Variants in ME3 observed in about 807,000 individuals in gnomAD.
The protein encoded by ME3 is NADP-dependent malic enzyme, mitochondrial.
A neutral mutation model predicts 68.9 loss-of-function variants in ME3; 48 were observed. The observed-to-expected ratio is 0.70, with a 90% CI of 0.55 to 0.89. The LOEUF (loss-of-function observed/expected upper bound fraction) is 0.89, where lower values mean the gene tolerates loss of function less well. Among genes scored for constraint, ME3 ranks in the 40% least tolerant of loss-of-function variants. The pLI is 0.00. For missense variants in ME3, 675 were observed against 797.4 expected (o/e 0.85, Z 1.85); for synonymous variants, 320 against 318.8 (o/e 1.00, Z -0.04).
chr11:86,604,195 G>A (rs1481856109), intron 2 of ME3, among the ~76,000 whole-genome samples: 1 of 152,112 alleles, frequency 6.6e-6, no homozygotes, highest in African/African-American at 2.4e-5. Context: ...TGCAGATGAA[G>A]CCTCCAGACT....
At chr11:86,668,853 C>G (rs1946737972) in intron 2 of ME3, among the ~76,000 whole-genome samples, 1 of 152,200 alleles carries the variant, frequency 6.6e-6, no homozygotes, top group Non-Finnish European at 1.5e-5. Flanking sequence ...CTTTCAGGCA[C>G]TACCCCATGC....
rs543187838 is a variant in ME3 at position 86,558,336 on chromosome 11, A to G, written c.317+1354T>C. On this transcript the variant is annotated intron_variant, in intron 3 of 14. Coordinates refer to ENST00000543262, the Ensembl canonical transcript of ME3. ...TTGTGTAATTTCTGGCTTGCTCTTC[A>G]GAGTGACTTAGCTAGACCCAATCAG... Among the ~76,000 whole-genome samples the G allele has an allele frequency of 2.4e-3, 368 of 152,316 alleles. 1 individual carries two copies. Among genetic ancestry groups the G allele is most frequent in the African/African-American group, 8.5e-3 (353 of 41,572 alleles).
rs898515452 is a variant in ME3, at chr11:86,641,826, G to A, written c.183+29936C>T. The stretch of plus-strand genomic sequence containing the variant: ...TACCAAAAAATGTCAAAAAATGAGA[G>A]CTGGCTTACAATGGTATTTTTGTTC... On this transcript the variant is annotated intron_variant, in intron 2 of 14. Coordinates refer to ENST00000543262, the Ensembl canonical transcript of ME3. 3.9e-5 allele frequency among the ~76,000 whole-genome samples: 6 copies of A among 152,190 alleles called. No homozygotes were observed. In the East Asian group the frequency reaches 9.7e-4, roughly 24 times the overall value.
chr11:86,578,706 G>A (rs1272120050), intron 2 of ME3, among the ~76,000 whole-genome samples: 2 of 152,130 alleles, frequency 1.3e-5, no homozygotes, highest in Admixed American at 6.5e-5. Context: ...AGATCACAGC[G>A]ATCAGTCACC....
At chr11:86,610,405 A>C (rs1295293234) in intron 2 of ME3, among the ~76,000 whole-genome samples, 1 of 152,190 alleles carries the variant, frequency 6.6e-6, no homozygotes. Context: ...CTGATATTTC[A>C]TGGAGAAAGG....
Position 86,643,825 on chromosome 11 carries a change from G to A in ME3, c.183+27937C>T, listed in dbSNP as rs80121863. 4.1e-3 allele frequency among the ~76,000 whole-genome samples: 630 copies of A among 152,148 alleles called. 1 individual carries two copies. The highest frequency in any genetic ancestry group is 0.014 in the African/African-American group (599 of 41,490). ...AAGTTTATTGAATAAGTCAGTGAACGGTCTCAGGGAATCTGGAAATGAGAC... is the reference window on the plus strand; with the variant it reads ...AAGTTTATTGAATAAGTCAGTGAACAGTCTCAGGGAATCTGGAAATGAGAC... On this transcript the variant is annotated intron_variant, in intron 2 of 14. Transcript: ENST00000543262.
chr11:86,437,883 A>G (rs962818546), downstream of ME3, among the ~76,000 whole-genome samples: 1 of 84,826 alleles, frequency 1.2e-5, no homozygotes, highest in Non-Finnish European at 2.5e-5. Context: ...ATGAATGTGT[A>G]TGTGTTCTTT....
At chr11:86,441,207 T>A in exon 15 of ME3, 1 of 1,338,752 alleles carries the variant, frequency 7.5e-7, no homozygotes, top group East Asian at 2.6e-5. Context: ...ACTTGGGCCA[T>A]TTTGGAACCC....
intron 4 of ME3, among the ~76,000 whole-genome samples, chr11:86,525,564 C>G: frequency 6.6e-6 from 1 of 151,736 alleles, no homozygotes; most frequent in African/African-American, 2.4e-5. Flanking sequence ...TTCAGTTCAC[C>G]TTTAAGAACA....
chr11:86,562,237 T>C (rs761625965), intron 2 of ME3, among the ~76,000 whole-genome samples: 1 of 152,194 alleles, frequency 6.6e-6, no homozygotes, highest in Non-Finnish European at 1.5e-5. Context: ...TCATGTATAT[T>C]TATCATTGAA....
At chr11:86,663,997 C>T (rs1253666717) in intron 2 of ME3, among the ~76,000 whole-genome samples, 2 of 152,178 alleles carry the variant, frequency 1.3e-5, no homozygotes, top group Non-Finnish European at 2.9e-5. Flanking sequence ...GCAGCAGGCT[C>T]CTCTGTTAAC....
chr11:86,607,727 A>G (rs1484673099), intron 2 of ME3, among the ~76,000 whole-genome samples: 1 of 143,718 alleles, frequency 7.0e-6, no homozygotes, highest in African/African-American at 2.6e-5. Context: ...ATATATATAT[A>G]TATTATATAC....
chr11:86,651,749 G>T (rs1186338801), intron 2 of ME3, among the ~76,000 whole-genome samples: 1 of 152,240 alleles, frequency 6.6e-6, no homozygotes, highest in Non-Finnish European at 1.5e-5. Flanking sequence ...GATGGAGAAT[G>T]ACTTTGATGA....
chr11:86,441,936 A>T (rs986007261), intron 14 of ME3, among the ~76,000 whole-genome samples: 5 of 152,176 alleles, frequency 3.3e-5, no homozygotes, highest in African/African-American at 1.2e-4. Flanking sequence ...CGCCCAAAGG[A>T]AGAAACTGAC....
At chr11:86,614,613 G>A (rs566803644) in intron 2 of ME3, among the ~76,000 whole-genome samples, 10 of 152,150 alleles carry the variant, frequency 6.6e-5, no homozygotes, top group African/African-American at 2.4e-4. Flanking sequence ...CCTTATCTTC[G>A]ACCTCAATTC....
intron 4 of ME3, among the ~76,000 whole-genome samples, chr11:86,530,419 G>A (rs569279202): frequency 6.6e-5 from 10 of 152,272 alleles, no homozygotes; most frequent in African/African-American, 2.4e-4. Context: ...AATGGCCATA[G>A]TGCCCAAGGT....
At chr11:86,437,080 C>T (rs762088340), downstream of ME3, 1 of 152,180 alleles carries the variant, frequency 6.6e-6, no homozygotes, top group Admixed American at 6.5e-5. Flanking sequence ...TTCTTCCACT[C>T]TCCCACCCTT....
intron 2 of ME3, among the ~76,000 whole-genome samples, chr11:86,632,889 C>A (rs149327184): frequency 6.6e-6 from 1 of 152,132 alleles, no homozygotes. Flanking sequence ...GGAAACACAA[C>A]GGTGAGGAAG....
In ME3 at chr11:86,594,089, A is replaced by C. The variant is rs75885303; in HGVS notation, c.184-34266T>G. ...AGTAATAAGGAAACAAAGTAAAAAA[A>C]CAGACAAGATATCCCTGCCTTCATG... On this transcript the variant is annotated intron_variant, in intron 2 of 14. Coordinates refer to ENST00000543262, the Ensembl canonical transcript of ME3. 3.7e-4 allele frequency among the ~76,000 whole-genome samples: 54 copies of C among 146,856 alleles called. 6 individuals carry two copies. Among genetic ancestry groups the C allele is most frequent in the African/African-American group, 1.3e-3 (53 of 40,026 alleles).
Sources: gnomAD v4.1 joint callset for allele counts (sites outside exome capture counted in the v4.1 genomes callset) on GRCh38, gnomAD v4.1.1 for gene constraint, MANE v1.5 for transcripts, NCBI Gene and HGNC (gene_info 2026-07-23, HGNC 2026-07-21) for gene names.